Variants in CHIC1 observed in about 807,000 individuals in gnomAD.
The protein encoded by CHIC1 is cysteine-rich hydrophobic domain-containing protein 1.
In CHIC1, 7 loss-of-function variants were observed where a neutral mutation model predicts 18.5. The observed-to-expected ratio is 0.38, with a 90% CI of 0.22 to 0.71. CHIC1 has a LOEUF of 0.71. Ranked by LOEUF, CHIC1 falls within the 30% of genes least tolerant of loss-of-function variation. CHIC1 has a pLI of 0.49. For synonymous variants in CHIC1, 77 were observed against 73.5 expected (o/e 1.05, Z -0.25); for missense variants, 159 against 176.9 (o/e 0.90, Z 0.57).
intron 3 of CHIC1, among the ~76,000 whole-genome samples, chrX:73,675,153 G>GTA (rs2058054950): frequency 9.4e-6 from 1 of 106,915 alleles, no homozygotes; most frequent in Admixed American, 9.9e-5. Context: ...CTTTACTTCC[G>GTA]TGTGGTCAGT....
Position 73,563,593 on chromosome X carries a change from G to C in CHIC1, c.296+13G>C. The stretch of plus-strand genomic sequence containing the variant: ...GCCACATCACTGTGTAAGCGAGAGG[G>C]GGTCTTGGGACTTGAAATGCCTGAG... On this transcript the variant is annotated intron_variant, in intron 1 of 5. Transcript: ENST00000373502. The C allele has an allele frequency of 9.5e-7, 1 of 1,057,358 alleles. No individual in the cohort carries two copies. 87.1% of individuals were successfully genotyped at this position (1,057,358 alleles called of 1,213,427 possible).
chrX:73,677,266 G>C (rs935984639), intron 3 of CHIC1, among the ~76,000 whole-genome samples: 3 of 111,890 alleles, frequency 2.7e-5, no homozygotes, highest in African/African-American at 3.2e-5. Flanking sequence ...AGCTGTCAGA[G>C]AGGGACATTT....
intron 3 of CHIC1, among the ~76,000 whole-genome samples, chrX:73,612,932 G>A (rs748257431): frequency 9.0e-6 from 1 of 111,708 alleles, no homozygotes; most frequent in Non-Finnish European, 1.9e-5. Context: ...AACTGTTATT[G>A]TATTGGAGTT....
At chrX:73,573,448 G>A (rs182802913) in intron 1 of CHIC1, among the ~76,000 whole-genome samples, 19 of 111,320 alleles carry the variant, frequency 1.7e-4, no homozygotes, top group African/African-American at 6.2e-4. Flanking sequence ...TGTATAAATT[G>A]TAGAATAGTT....
At chrX:73,612,584 T>C (rs1445812990) in intron 3 of CHIC1, among the ~76,000 whole-genome samples, 2 of 112,046 alleles carry the variant, frequency 1.8e-5, no homozygotes, top group Non-Finnish European at 3.8e-5. Flanking sequence ...TTCAGGAACA[T>C]GTGGTTTAAT....
chrX:73,599,107 T>A (rs28856587), intron 3 of CHIC1, among the ~76,000 whole-genome samples: 54,126 of 107,201 alleles, frequency 0.5, 11,881 homozygotes, highest in Middle Eastern at 0.7. Flanking sequence ...TTTTCATGTG[T>A]TTTTTGGCTG....
At chrX:73,679,404 A>G in intron 4 of CHIC1, 22 bp downstream of exon 4, 1 of 1,010,654 alleles carries the variant, frequency 9.9e-7, no homozygotes, top group East Asian at 3.1e-5. Context: ...TAAGCACATA[A>G]GTGCCCCATT....
At chrX:73,614,913 C>G (rs2057725381) in intron 3 of CHIC1, among the ~76,000 whole-genome samples, 1 of 110,363 alleles carries the variant, frequency 9.1e-6, no homozygotes, top group Admixed American at 9.7e-5. Context: ...TTATTGTGTT[C>G]TTTGGAGATG....
intron 3 of CHIC1, among the ~76,000 whole-genome samples, chrX:73,586,510 T>C (rs2057553725): frequency 9.0e-6 from 1 of 111,681 alleles, no homozygotes. Context: ...ATATAAAATA[T>C]AATTAAGAAT....
chrX:73,619,510 C>T (rs2057749350), intron 3 of CHIC1, among the ~76,000 whole-genome samples: 1 of 110,650 alleles, frequency 9.0e-6, no homozygotes, highest in Admixed American at 9.7e-5. Context: ...AGTGATTTTC[C>T]CTACTGCTGT....
At chrX:73,615,750 C>A (rs777931544) in intron 3 of CHIC1, among the ~76,000 whole-genome samples, 17 of 111,186 alleles carry the variant, frequency 1.5e-4, no homozygotes, top group Non-Finnish European at 2.8e-4. Flanking sequence ...TACACAGCGG[C>A]AGGGTCATCT....
At chrX:73,579,620 T>A (rs2057516994) in intron 2 of CHIC1, among the ~76,000 whole-genome samples, 1 of 110,481 alleles carries the variant, frequency 9.1e-6, no homozygotes, top group Non-Finnish European at 1.9e-5. Flanking sequence ...TGATCATAGT[T>A]CCTGGCTAAG....
chrX:73,585,667 A>T lies in CHIC1; in HGVS notation c.507+1095A>T, dbSNP rs1011866207. On this transcript the variant is annotated intron_variant, in intron 3 of 5. Transcript: ENST00000373502. ...AATAATCATGTTTGAATTTCCCATC[A>T]TGTAAATACAGCTAATCTCAGTTAC... is the stretch of plus-strand genomic sequence containing the variant. Among the ~76,000 whole-genome samples, 6 of 111,646 alleles carry T rather than the reference A, an allele frequency of 5.4e-5. No homozygotes were observed. The Admixed American group carries it at 5.7e-4, about 11-fold the overall frequency.
intron 5 of CHIC1, among the ~76,000 whole-genome samples, chrX:73,680,476 T>C (rs1178147680): frequency 2.7e-5 from 3 of 111,677 alleles, no homozygotes; most frequent in Non-Finnish European, 5.7e-5. Flanking sequence ...TATGTTTTAC[T>C]CAATCCATTT....
rs974308596 is a variant in CHIC1 at position 73,684,928 on chromosome X, T to C, written c.*3923T>C. 9.0e-6 allele frequency: 1 copy of C among 111,128 alleles called. No individual in the cohort carries two copies. The highest frequency in any genetic ancestry group is 3.3e-5 in the African/African-American group (1 of 30,602). 9.2% of individuals were successfully genotyped at this position (111,128 alleles called of 1,213,427 possible). Reference sequence around the variant, plus strand: ...TGGCACCCTGTGAGTATGTTCCATTTTCTGTGAACTTTGTCAAATTCATAC... The same window carrying C: ...TGGCACCCTGTGAGTATGTTCCATTCTCTGTGAACTTTGTCAAATTCATAC... On this transcript the variant is annotated 3_prime_UTR_variant, in exon 6 of 6. Coordinates refer to ENST00000373502, the MANE Select transcript of CHIC1 (RefSeq NM_001039840.4).
At chrX:73,563,664 G>T in intron 1 of CHIC1, 84 bp downstream of exon 1, 1 of 931,395 alleles carries the variant, frequency 1.1e-6, no homozygotes, top group Non-Finnish European at 1.4e-6. Context: ...CCTGTGGAGT[G>T]GGGGAGGGTT....
At chrX:73,655,551 A>G (rs1434308077) in intron 3 of CHIC1, among the ~76,000 whole-genome samples, 1 of 90,088 alleles carries the variant, frequency 1.1e-5, no homozygotes, top group Non-Finnish European at 2.2e-5. Context: ...TATATATACA[A>G]TATTGTGTAT....
chrX:73,576,312 T>C (rs752745144), intron 1 of CHIC1, among the ~76,000 whole-genome samples: 2 of 110,969 alleles, frequency 1.8e-5, no homozygotes, highest in Non-Finnish European at 3.8e-5. Flanking sequence ...TGTAATTATA[T>C]GTGCTATACT....
chrX:73,563,642 G>C, intron 1 of CHIC1, 62 bp downstream of exon 1: 1 of 985,959 alleles, frequency 1.0e-6, no homozygotes, highest in Non-Finnish European at 1.3e-6. Flanking sequence ...GGAATGAGAA[G>C]TGATCGAGGG....
Sources: allele counts gnomAD v4.1 joint callset (sites outside exome capture counted in the v4.1 genomes callset), GRCh38; gene constraint gnomAD v4.1.1; transcripts MANE v1.5; gene names NCBI Gene and HGNC (gene_info 2026-07-23, HGNC 2026-07-21).